PSIP1: variants seen among roughly 807,000 people sequenced by gnomAD.
The protein encoded by PSIP1 is PC4 and SRSF1 interacting protein 1.
PSIP1 carries 19 observed loss-of-function variants against 74.7 expected under a neutral mutation model. That is an observed-to-expected ratio of 0.25 (90% CI 0.18 to 0.37). PSIP1 has a LOEUF of 0.37. Ranked by LOEUF, PSIP1 falls within the 10% of genes least tolerant of loss-of-function variation. The pLI, the probability that PSIP1 is intolerant of heterozygous loss-of-function variation, is 1.00. For synonymous variants in PSIP1, 222 were observed against 195.3 expected (o/e 1.14, Z -1.14); for missense variants, 601 against 614.3 (o/e 0.98, Z 0.23).
chr9:15,496,309 T>C (rs1452325358), intron 3 of PSIP1, among the ~76,000 whole-genome samples: 1 of 152,218 alleles, frequency 6.6e-6, no homozygotes, highest in Non-Finnish European at 1.5e-5. Flanking sequence ...GGACTGCCTA[T>C]ATATACCCTT....
At chr9:15,487,840 C>T (rs1432803597) in intron 4 of PSIP1, among the ~76,000 whole-genome samples, 1 of 152,058 alleles carries the variant, frequency 6.6e-6, no homozygotes, top group Admixed American at 6.6e-5. Context: ...CAGGTACAGA[C>T]AAGTACAGAA....
At chr9:15,473,453 G>A (rs1354469603) in intron 9 of PSIP1, among the ~76,000 whole-genome samples, 2 of 152,150 alleles carry the variant, frequency 1.3e-5, no homozygotes, top group Admixed American at 6.5e-5. Flanking sequence ...TTGTAAAATA[G>A]ATGAATTTAG....
At chr9:15,466,899 A>G in intron 14 of PSIP1, 40 bp from the exon 15 acceptor site, 2 of 1,486,728 alleles carry the variant, frequency 1.3e-6, no homozygotes, top group Non-Finnish European at 9.3e-7. Flanking sequence ...GTTAAAGCTT[A>G]CAAAACAATA....
At chr9:15,470,653 A>C in intron 10 of PSIP1, 3 of 937,512 alleles carry the variant, frequency 3.2e-6, no homozygotes, top group Non-Finnish European at 3.8e-6. Context: ...TTTAAAAAAA[A>C]CTTTATTTTA....
chr9:15,503,617 G>A (rs374302841), intron 3 of PSIP1, among the ~76,000 whole-genome samples: 12 of 151,248 alleles, frequency 7.9e-5, no homozygotes, highest in East Asian at 7.8e-4. Flanking sequence ...AACTATGATC[G>A]CCGCTGTGTT....
chr9:15,478,481 C>G lies in PSIP1; in HGVS notation c.625G>C (p.Asp209His). ...ATACATTAAAAATAAACTCACATGT[C>G]ACTCTCTGAAGGACAGGGCTGTTTT... ...MVKQPCPSES[D>H]IITEEDKSKK... The change falls in exon 8 of 16, where the codon GAC becomes CAC. Residue 209 changes from aspartate (D) to histidine (H), a missense_variant. Asp to His is a moderately conservative substitution (Grantham distance 81, BLOSUM62 -1). This residue lies in a region of PSIP1 where 538 missense variants were observed against 507.6 expected (regional missense o/e 1.06). Coordinates refer to ENST00000380733, the MANE Select transcript of PSIP1 (RefSeq NM_033222.5). The G allele has an allele frequency of 6.3e-7, 1 of 1,581,452 alleles. No homozygotes were observed. Among genetic ancestry groups the G allele is most frequent in the Non-Finnish European group, 8.7e-7 (1 of 1,151,440 alleles).
At chr9:15,471,403 G>T (rs1346795492) in intron 10 of PSIP1, 1 of 1,501,436 alleles carries the variant, frequency 6.7e-7, no homozygotes, top group African/African-American at 1.4e-5. Flanking sequence ...ACATTCAAAA[G>T]AAACTGAAAT....
chr9:15,485,436 C>CT (rs1433481972), intron 6 of PSIP1, among the ~76,000 whole-genome samples: 2 of 152,110 alleles, frequency 1.3e-5, no homozygotes, highest in Non-Finnish European at 2.9e-5. Flanking sequence ...AGATACTGAA[C>CT]TTTTGGTTTT....
rs1375695707 is a variant in PSIP1, at chr9:15,466,879, G to C, written c.1421-20C>G. On this transcript the variant is annotated intron_variant, in intron 14 of 15. Coordinates refer to ENST00000380733, the MANE Select transcript of PSIP1 (RefSeq NM_033222.5). ...TTGACCCTTGCGAAGGAATCCAATG[G>C]AAAAACTTTGTTAAAGCTTACAAAA... 3 of 1,577,878 alleles carry C rather than the reference G, an allele frequency of 1.9e-6. No homozygotes were observed. In the African/African-American group the frequency reaches 4.1e-5, roughly 21 times the overall value.
At chr9:15,478,927 A>G (rs1277702487) in intron 7 of PSIP1, among the ~76,000 whole-genome samples, 2 of 152,086 alleles carry the variant, frequency 1.3e-5, no homozygotes, top group African/African-American at 2.4e-5. Flanking sequence ...TTGGAAGTTC[A>G]TATCAAAATT....
rs2035541171 is a variant in PSIP1, at chr9:15,465,299, G to A, written c.*221C>T. 2.2e-6 allele frequency: 1 copy of A among 450,720 alleles called. No homozygotes were observed. The highest frequency in any genetic ancestry group is 4.2e-5 in the Admixed American group (1 of 23,572). 27.9% of individuals were successfully genotyped at this position (450,720 alleles called of 1,614,324 possible). A position where few individuals can be genotyped will look rare whatever the true frequency, so the allele number is the denominator to read the frequency against. Reference sequence around the variant, plus strand: ...AAAAGCAGTTTAACATTTTCTAAATGGATTTTATCCCACATTTACTGTATA... The same window carrying A: ...AAAAGCAGTTTAACATTTTCTAAATAGATTTTATCCCACATTTACTGTATA... On this transcript the variant is annotated 3_prime_UTR_variant, in exon 16 of 16. Transcript: ENST00000380733.
At chr9:15,473,726 C>A (rs2132056297) in intron 9 of PSIP1, among the ~76,000 whole-genome samples, 1 of 152,052 alleles carries the variant, frequency 6.6e-6, no homozygotes, top group East Asian at 1.9e-4. Flanking sequence ...GATTGCAAAA[C>A]CTTGTCTCCA....
At chr9:15,489,532 C>T (rs1290502796) in intron 4 of PSIP1, 2 of 146,576 alleles carry the variant, frequency 1.4e-5, no homozygotes, top group Admixed American at 7.0e-5. Flanking sequence ...CACTTGAACC[C>T]GGGAGGCATA....
chr9:15,465,395 C>G lies in PSIP1; in HGVS notation c.*125G>C, dbSNP rs979840257. ...CTTTACTTTAAAACAAAGGGATTTTCTCCCTCAAAACAAGTTTTCAACATC... is the reference window on the plus strand; with the variant it reads ...CTTTACTTTAAAACAAAGGGATTTTGTCCCTCAAAACAAGTTTTCAACATC... On this transcript the variant is annotated 3_prime_UTR_variant, in exon 16 of 16. Coordinates refer to ENST00000380733, the MANE Select transcript of PSIP1 (RefSeq NM_033222.5). 1.3e-6 allele frequency: 1 copy of G among 793,420 alleles called. No individual in the cohort carries two copies. Among genetic ancestry groups the G allele is most frequent in the Non-Finnish European group, 2.0e-6 (1 of 491,330 alleles). 49.1% of individuals were successfully genotyped at this position (793,420 alleles called of 1,614,324 possible).
intron 3 of PSIP1, among the ~76,000 whole-genome samples, chr9:15,495,636 G>T (rs1158219855): frequency 6.6e-6 from 1 of 152,096 alleles, no homozygotes; most frequent in Non-Finnish European, 1.5e-5. Context: ...GATATGGAAT[G>T]CGTCTATCTT....
At chr9:15,478,941 TGA>T (rs2036218514) in intron 7 of PSIP1, among the ~76,000 whole-genome samples, 1 of 152,062 alleles carries the variant, frequency 6.6e-6, no homozygotes, top group South Asian at 2.1e-4. Context: ...CAAAATTCAC[TGA>T]GTTTCCCTAG....
intron 10 of PSIP1, chr9:15,471,952 CTAAAG>C (rs2035851576): frequency 1.0e-6 from 1 of 973,464 alleles, no homozygotes. Flanking sequence ...AAGTGACAGT[CTAAAG>C]GTAACTAGGA....
chr9:15,496,144 A>G (rs1157425731), intron 3 of PSIP1, among the ~76,000 whole-genome samples: 12 of 152,330 alleles, frequency 7.9e-5, no homozygotes, highest in Admixed American at 7.2e-4. Context: ...TTACATCTTA[A>G]TTTGTAGGTT....
intron 10 of PSIP1, chr9:15,471,212 G>A (rs781341735): frequency 1.2e-5 from 19 of 1,606,112 alleles, no homozygotes; most frequent in Non-Finnish European, 1.5e-5. Context: ...TTTTATTACT[G>A]TAGATTACAT....
Sources: allele counts gnomAD v4.1 joint callset (sites outside exome capture counted in the v4.1 genomes callset), GRCh38; gene constraint gnomAD v4.1.1; regional missense constraint gnomAD v4.1.1; transcripts MANE v1.5; gene names NCBI Gene and HGNC (gene_info 2026-07-23, HGNC 2026-07-21).